FLT3: variants seen among roughly 807,000 people sequenced by gnomAD.
FLT3 encodes fms related receptor tyrosine kinase 3.
In FLT3, 46 loss-of-function variants were observed where a neutral mutation model predicts 126.6. The ratio of observed to expected loss-of-function variants is 0.36; its 90% CI spans 0.29 to 0.46. The LOEUF (loss-of-function observed/expected upper bound fraction) is 0.46. Ranked by LOEUF, FLT3 falls within the 20% of genes least tolerant of loss-of-function variation. FLT3 has a pLI of 1.00. For missense variants in FLT3, 1,069 were observed against 1,190.3 expected (o/e 0.90, Z 1.50); for synonymous variants, 404 against 434.4 (o/e 0.93, Z 0.87).
chr13:28,017,846 A>G (rs1166151705), intron 20 of FLT3, among the ~76,000 whole-genome samples: 1 of 151,954 alleles, frequency 6.6e-6, no homozygotes, highest in Non-Finnish European at 1.5e-5. Context: ...TTGTATTTTC[A>G]GTAGAGACAG....
At chr13:28,075,383 C>T (rs1010979166) in intron 1 of FLT3, among the ~76,000 whole-genome samples, 2 of 152,034 alleles carry the variant, frequency 1.3e-5, no homozygotes, top group Non-Finnish European at 2.9e-5. Context: ...CACAAAATAT[C>T]GTATGTACCC....
At chr13:28,020,864 A>G (rs2137632131) in intron 19 of FLT3, among the ~76,000 whole-genome samples, 1 of 152,222 alleles carries the variant, frequency 6.6e-6, no homozygotes, top group East Asian at 1.9e-4. Flanking sequence ...GGGGTGAGAG[A>G]CAAGAAGGGG....
chr13:28,072,399 CTCTT>C (rs1033038393), intron 1 of FLT3, among the ~76,000 whole-genome samples: 7 of 151,938 alleles, frequency 4.6e-5, no homozygotes, highest in Non-Finnish European at 8.8e-5. Context: ...CTCTCTCTCT[CTCTT>C]TTTTTTAAAT....
chr13:28,019,807 C>T (rs982952031), intron 19 of FLT3, among the ~76,000 whole-genome samples: 7 of 152,128 alleles, frequency 4.6e-5, no homozygotes, highest in African/African-American at 1.7e-4. Context: ...GGGAACCCTG[C>T]GCATGGTTCA....
At chr13:28,054,604 G>A (rs1164901848) in intron 4 of FLT3, among the ~76,000 whole-genome samples, 1 of 151,996 alleles carries the variant, frequency 6.6e-6, no homozygotes, top group South Asian at 2.1e-4. Context: ...AATTCAATAT[G>A]AGCAGCAAAA....
intron 8 of FLT3, among the ~76,000 whole-genome samples, chr13:28,048,735 T>A (rs1377256590): frequency 5.3e-5 from 8 of 152,212 alleles, no homozygotes; most frequent in Non-Finnish European, 1.2e-4. Flanking sequence ...CCAGCACCAC[T>A]CTTCCATTGA....
intron 1 of FLT3, among the ~76,000 whole-genome samples, chr13:28,088,852 G>A (rs548224655): frequency 3.3e-5 from 5 of 150,578 alleles, no homozygotes; most frequent in Non-Finnish European, 5.9e-5. Context: ...CCAAAGTGCT[G>A]GGATTACAAG....
chr13:28,038,239 C>T (rs1438529929), intron 9 of FLT3, among the ~76,000 whole-genome samples: 1 of 152,110 alleles, frequency 6.6e-6, no homozygotes, highest in Non-Finnish European at 1.5e-5. Flanking sequence ...GGGGACTGTC[C>T]ACCACGCCCA....
chr13:28,091,255 T>TGA (rs2137826978), intron 1 of FLT3, among the ~76,000 whole-genome samples: 1 of 123,534 alleles, frequency 8.1e-6, no homozygotes, highest in East Asian at 2.7e-4. Context: ...GGAGTCTCGC[T>TGA]CTGTCGCCCA....
chr13:28,094,381 T>TA lies in FLT3; in HGVS notation c.43+6086dup, dbSNP rs549624727. Among the ~76,000 whole-genome samples, 389 of 152,266 alleles carry TA rather than the reference T, an allele frequency of 2.6e-3. 4 individuals carry two copies. The highest frequency in any genetic ancestry group is 1.9e-3 in the Non-Finnish European group (126 of 68,018). ...CCAATTGACCTTATAATGACAGCAG[T>TA]AAAAAAATGTATATTTTTTTACTGT... On this transcript the variant is annotated intron_variant, in intron 1 of 23. Transcript: ENST00000241453.
intron 15 of FLT3, among the ~76,000 whole-genome samples, chr13:28,029,592 T>G (rs989519677): frequency 6.6e-6 from 1 of 152,204 alleles, no homozygotes; most frequent in South Asian, 2.1e-4. Flanking sequence ...TCCTTTTTGT[T>G]TGTTTGTTTG....
chr13:28,100,279 G>A lies in FLT3; in HGVS notation c.43+189C>T, dbSNP rs893319971. 6.6e-6 allele frequency among the ~76,000 whole-genome samples: 1 copy of A among 152,114 alleles called. No individual in the cohort carries two copies. The highest frequency in any genetic ancestry group is 1.5e-5 in the Non-Finnish European group (1 of 68,006). On this transcript the variant is annotated intron_variant, in intron 1 of 23. Coordinates refer to ENST00000241453, the MANE Select transcript of FLT3 (RefSeq NM_004119.3). The surrounding 1 kb of genome is among the most constrained non-coding windows in gnomAD (Gnocchi z 4.8). ...AAGAGGACGCGGGGTGGGAAACGCC[G>A]GGGCCGCAGGCAAGTAGTGGGCGAG...
rs1031423136 is a variant in FLT3, at chr13:28,100,392, C to T, written c.43+76G>A. 62 of 1,057,458 alleles carry T rather than the reference C, an allele frequency of 5.9e-5. No homozygotes were observed. The highest frequency in any genetic ancestry group is 7.3e-5 in the Non-Finnish European group (61 of 833,998). 65.5% of individuals were successfully genotyped at this position (1,057,458 alleles called of 1,614,324 possible). On this transcript the variant is annotated intron_variant, in intron 1 of 23. Coordinates refer to ENST00000241453, the MANE Select transcript of FLT3 (RefSeq NM_004119.3). This position sits in a 1 kb window ranked among gnomAD's most constrained non-coding sequence, Gnocchi z 4.8. ...AGCGAGGCGGCTGGGCCGGAGGAGG[C>T]GCGCGCCCGGGTCCACACTGCGGGG...
intron 15 of FLT3, among the ~76,000 whole-genome samples, chr13:28,031,809 G>A (rs868024312): frequency 5.9e-5 from 9 of 152,320 alleles, no homozygotes; most frequent in South Asian, 4.1e-4. Flanking sequence ...GGAGGCAGCG[G>A]TGGCCCAGCC....
Position 28,049,746 on chromosome 13 carries a change from C to T in FLT3, c.771G>A (p.Leu257=). Reference sequence around the variant, plus strand: ...CCCCTACTTTAAGAAATAATTGTGGCAATGTGGTCTGAGGAGTTTGATTTA... The same window carrying T: ...CCCCTACTTTAAGAAATAATTGTGGTAATGTGGTCTGAGGAGTTTGATTTA... ...IDLNQTPQTT[L]PQLFLKVGEP... is the part of the protein sequence containing the mutation. The change falls in exon 7 of 24, where the codon TTG becomes TTA. Residue 257 remains leucine, a synonymous_variant. Transcript: ENST00000241453. 6.2e-7 allele frequency: 1 copy of T among 1,613,898 alleles called. No individual in the cohort carries two copies. Among genetic ancestry groups the T allele is most frequent in the South Asian group, 1.1e-5 (1 of 91,068 alleles).
intron 1 of FLT3, among the ~76,000 whole-genome samples, chr13:28,096,178 A>G (rs1476231989): frequency 6.6e-6 from 1 of 151,882 alleles, no homozygotes; most frequent in African/African-American, 2.4e-5. Context: ...AATACAGTGA[A>G]ACCCCATCTC....
intron 15 of FLT3, among the ~76,000 whole-genome samples, chr13:28,032,285 A>C (rs551940264): frequency 3.9e-5 from 6 of 152,192 alleles, no homozygotes; most frequent in Admixed American, 2.6e-4. Flanking sequence ...AGACGCAAGC[A>C]TGAGGGCCCT....
intron 2 of FLT3, among the ~76,000 whole-genome samples, chr13:28,065,252 G>A (rs1213981615): frequency 1.3e-5 from 2 of 152,214 alleles, no homozygotes; most frequent in Non-Finnish European, 2.9e-5. Flanking sequence ...GTCAGTAGGA[G>A]TGAGGAGACA....
intron 1 of FLT3, among the ~76,000 whole-genome samples, chr13:28,079,548 C>T (rs1392028846): frequency 6.6e-6 from 1 of 152,154 alleles, no homozygotes; most frequent in African/African-American, 2.4e-5. Flanking sequence ...CTGATAAAAA[C>T]ATACCTGAGA....
Sources: gnomAD v4.1 joint callset for allele counts (sites outside exome capture counted in the v4.1 genomes callset) on GRCh38, gnomAD v4.1.1 for gene constraint, Gnocchi (gnomAD v3.1) non-coding constraint, MANE v1.5 for transcripts, NCBI Gene and HGNC (gene_info 2026-07-23, HGNC 2026-07-21) for gene names.